LRMDA: variants seen among roughly 807,000 people sequenced by gnomAD.
The protein encoded by LRMDA is leucine rich melanocyte differentiation associated, also known as leucine-rich melanocyte differentiation-associated protein.
A neutral mutation model predicts 29.8 loss-of-function variants in LRMDA; 18 were observed. The observed-to-expected ratio is 0.60, with a 90% CI of 0.42 to 0.90. The LOEUF (loss-of-function observed/expected upper bound fraction) is 0.90, where lower values mean the gene tolerates loss of function less well. LRMDA is among the 40% of genes least tolerant of loss of function. LRMDA has a pLI of 0.00. For missense variants in LRMDA, 273 were observed against 273.9 expected, an observed-to-expected ratio of 1.00 and a Z score of 0.02; for synonymous variants, 125 against 109.4, an observed-to-expected ratio of 1.14 and a Z score of -0.89.
At chr10:75,733,181 G>A (rs975723404) in intron 2 of LRMDA, among the ~76,000 whole-genome samples, 3 of 152,222 alleles carry the variant, frequency 2.0e-5, no homozygotes, top group African/African-American at 7.2e-5. Flanking sequence ...TAGTATGACA[G>A]CCATGCCCAG....
intron 2 of LRMDA, among the ~76,000 whole-genome samples, chr10:75,722,418 T>G (rs1357380747): frequency 6.6e-6 from 1 of 152,186 alleles, no homozygotes; most frequent in Non-Finnish European, 1.5e-5. Context: ...ACAAAGTGTT[T>G]TAATAATAGA....
intron 2 of LRMDA, among the ~76,000 whole-genome samples, chr10:75,981,404 C>T (rs150559360): frequency 1.1e-3 from 162 of 152,336 alleles, no homozygotes; most frequent in African/African-American, 3.7e-3. Context: ...TTTCTGTATG[C>T]ATCTTTTCAT....
At chr10:76,316,419 C>T (rs1190609128) in intron 5 of LRMDA, among the ~76,000 whole-genome samples, 1 of 152,232 alleles carries the variant, frequency 6.6e-6, no homozygotes, top group East Asian at 1.9e-4. Flanking sequence ...CTCACTCACA[C>T]ACCCCTTGCC....
intron 2 of LRMDA, among the ~76,000 whole-genome samples, chr10:75,483,867 G>GT (rs548925147): frequency 0.046 from 5,498 of 119,130 alleles, 394 homozygotes; most frequent in African/African-American, 0.16. Flanking sequence ...GTATGGAGAG[G>GT]TTTTTTTTTT....
At chr10:76,427,673 T>G (rs1183703246) in intron 6 of LRMDA, among the ~76,000 whole-genome samples, 1 of 152,174 alleles carries the variant, frequency 6.6e-6, no homozygotes, top group Non-Finnish European at 1.5e-5. Flanking sequence ...GGCATCCCTG[T>G]CTTGTGCCCG....
intron 2 of LRMDA, among the ~76,000 whole-genome samples, chr10:75,641,282 A>G (rs1242711963): frequency 6.6e-6 from 1 of 152,268 alleles, no homozygotes. Context: ...AGGAGGAGCC[A>G]TCGGTCCTCC....
intron 2 of LRMDA, among the ~76,000 whole-genome samples, chr10:75,970,763 G>A (rs190134749): frequency 6.6e-6 from 1 of 152,304 alleles, no homozygotes; most frequent in Admixed American, 6.5e-5. Context: ...CCTTTTTACT[G>A]TGTCTTCTTA....
At position 75,685,606 on chromosome 10, in the gene LRMDA, A is replaced by G. The variant is rs551583913; in HGVS notation, c.131+247112A>G. Among the ~76,000 whole-genome samples the G allele has an allele frequency of 5.2e-5, 8 of 152,382 alleles. No homozygotes were observed. The East Asian group carries it at 1.5e-3, about 29-fold the overall frequency. On this transcript the variant is annotated intron_variant, in intron 2 of 6. Transcript: ENST00000611255. The stretch of plus-strand genomic sequence containing the variant: ...CTTCCAGACACTGAGGAAGCAAGAT[A>G]AAGAAGACATAGCCCCTGATTTTGA...
intron 2 of LRMDA, among the ~76,000 whole-genome samples, chr10:75,787,051 C>T (rs943773019): frequency 1.3e-5 from 2 of 152,220 alleles, no homozygotes; most frequent in Non-Finnish European, 2.9e-5. Flanking sequence ...TCTGTGCTGT[C>T]GCCAAGGACT....
chr10:75,804,991 A>G (rs1305404848), intron 2 of LRMDA, among the ~76,000 whole-genome samples: 2 of 152,154 alleles, frequency 1.3e-5, no homozygotes, highest in Admixed American at 1.3e-4. Flanking sequence ...GTAAGCAAAC[A>G]ACCCTGGTGT....
intron 2 of LRMDA, among the ~76,000 whole-genome samples, chr10:75,493,610 C>G (rs1258999875): frequency 6.6e-6 from 1 of 152,096 alleles, no homozygotes; most frequent in Non-Finnish European, 1.5e-5. Flanking sequence ...ATGGTTAAGT[C>G]ACATCCTTAA....
Position 75,851,450 on chromosome 10 carries a change from C to T in LRMDA, c.132-184558C>T, listed in dbSNP as rs79688577. 8.4e-4 allele frequency among the ~76,000 whole-genome samples: 128 copies of T among 152,262 alleles called. 1 individual carries two copies. Among genetic ancestry groups the T allele is most frequent in the African/African-American group, 3.0e-3 (124 of 41,562 alleles). ...TTCCAACTCAAAACTCATCAACTTGCAATACCCCTGATAAAACTCATTTAT... is the reference window on the plus strand; with the variant it reads ...TTCCAACTCAAAACTCATCAACTTGTAATACCCCTGATAAAACTCATTTAT... On this transcript the variant is annotated intron_variant, in intron 2 of 6. Transcript: ENST00000611255.
intron 5 of LRMDA, among the ~76,000 whole-genome samples, chr10:76,292,305 G>GA (rs1374384183): frequency 1.3e-5 from 2 of 152,116 alleles, no homozygotes; most frequent in Non-Finnish European, 2.9e-5. Context: ...TGGCAGAAGG[G>GA]AAAATAAAGG....
chr10:75,838,046 A>G (rs1203018518), intron 2 of LRMDA, among the ~76,000 whole-genome samples: 3 of 152,192 alleles, frequency 2.0e-5, no homozygotes, highest in Non-Finnish European at 4.4e-5. Context: ...AAAAACCACA[A>G]TGACTAAAGG....
chr10:76,215,980 A>G (rs1050326190), intron 5 of LRMDA, among the ~76,000 whole-genome samples: 2 of 152,232 alleles, frequency 1.3e-5, no homozygotes, highest in African/African-American at 4.8e-5. Flanking sequence ...AAAGACATAA[A>G]GAGGGTTGAC....
intron 6 of LRMDA, among the ~76,000 whole-genome samples, chr10:76,515,993 A>ACTGGGT (rs1247176482): frequency 6.6e-6 from 1 of 152,184 alleles, no homozygotes; most frequent in Admixed American, 6.5e-5. Flanking sequence ...CCTTGGACCC[A>ACTGGGT]CCATACACTG....
intron 2 of LRMDA, among the ~76,000 whole-genome samples, chr10:75,857,887 A>G (rs1207444821): frequency 6.6e-6 from 1 of 152,260 alleles, no homozygotes; most frequent in Non-Finnish European, 1.5e-5. Context: ...GCAGGAGGGC[A>G]CACACAGTTC....
intron 2 of LRMDA, among the ~76,000 whole-genome samples, chr10:75,803,096 C>A (rs972729375): frequency 1.3e-5 from 2 of 151,918 alleles, no homozygotes; most frequent in Non-Finnish European, 2.9e-5. Flanking sequence ...TGGCACTTGA[C>A]GTGCAGAGCC....
At chr10:76,520,432 C>T (rs972099273) in intron 6 of LRMDA, among the ~76,000 whole-genome samples, 4 of 151,944 alleles carry the variant, frequency 2.6e-5, no homozygotes, top group Admixed American at 1.3e-4. Context: ...TTCAAGATGA[C>T]GTCAACTATT....
Sources: gnomAD v4.1 joint callset for allele counts (sites outside exome capture counted in the v4.1 genomes callset) on GRCh38, gnomAD v4.1.1 for gene constraint, MANE v1.5 for transcripts, NCBI Gene and HGNC (gene_info 2026-07-23, HGNC 2026-07-21) for gene names.